Variants in P2RY6 observed in about 807,000 individuals in gnomAD.
P2RY6 encodes the protein pyrimidinergic receptor P2Y6.
P2RY6 carries 19 observed loss-of-function variants against 16.3 expected under a neutral mutation model. The observed-to-expected ratio is 1.16, with a 90% CI of 0.81 to 1.71. The LOEUF (loss-of-function observed/expected upper bound fraction) is 1.71. P2RY6 is among the 40% of genes most tolerant of loss of function. The pLI is 0.00. For synonymous variants in P2RY6, 184 were observed against 201.5 expected, an observed-to-expected ratio of 0.91 and a Z score of 0.74; for missense variants, 389 against 455.5, an observed-to-expected ratio of 0.85 and a Z score of 1.33.
chr11:73,283,276 G>A (rs1403753301), intron 1 of P2RY6, among the ~76,000 whole-genome samples: 3 of 152,098 alleles, frequency 2.0e-5, no homozygotes, highest in Non-Finnish European at 4.4e-5. Context: ...CATAAGCAAC[G>A]ACCCCTCCTA....
chr11:73,286,777 G>A (rs1395898655), intron 1 of P2RY6, among the ~76,000 whole-genome samples: 6 of 152,068 alleles, frequency 3.9e-5, no homozygotes, highest in Non-Finnish European at 5.9e-5. Flanking sequence ...GTCTGACACC[G>A]CCCCTTCGAC....
chr11:73,281,537 C>T (rs1401881639), intron 1 of P2RY6, among the ~76,000 whole-genome samples: 1 of 152,224 alleles, frequency 6.6e-6, no homozygotes, highest in African/African-American at 2.4e-5. Context: ...CAGACACAGG[C>T]TAGGATGGAA....
intron 1 of P2RY6, among the ~76,000 whole-genome samples, chr11:73,286,990 T>G (rs1416299033): frequency 1.3e-5 from 2 of 152,146 alleles, no homozygotes; most frequent in Non-Finnish European, 2.9e-5. Context: ...ACTCCTAGTT[T>G]CAAGTGACAG....
intron 1 of P2RY6, among the ~76,000 whole-genome samples, chr11:73,284,857 T>A (rs766382210): frequency 6.6e-6 from 1 of 151,100 alleles, no homozygotes; most frequent in Non-Finnish European, 1.5e-5. Context: ...CCTGGTGGAG[T>A]TTATGTTCAG....
intron 1 of P2RY6, among the ~76,000 whole-genome samples, chr11:73,278,187 T>TTTAC (rs1165078969): frequency 2.1e-4 from 28 of 131,704 alleles, no homozygotes; most frequent in African/African-American, 6.8e-4. Context: ...TATTTATTTA[T>TTTAC]TTGAGATAGT....
At chr11:73,276,425 C>A (rs1863539539) in intron 1 of P2RY6, among the ~76,000 whole-genome samples, 1 of 152,196 alleles carries the variant, frequency 6.6e-6, no homozygotes, top group Non-Finnish European at 1.5e-5. Context: ...ATGTTCACAA[C>A]AGCATTATTC....
intron 1 of P2RY6, among the ~76,000 whole-genome samples, chr11:73,295,018 A>AT (rs1478185129): frequency 6.6e-6 from 1 of 152,112 alleles, no homozygotes; most frequent in Non-Finnish European, 1.5e-5. Context: ...AGGACTTCAT[A>AT]TTTTTTCTGG....
intron 1 of P2RY6, among the ~76,000 whole-genome samples, chr11:73,273,463 T>G (rs112832783): frequency 6.6e-6 from 1 of 151,958 alleles, no homozygotes; most frequent in Non-Finnish European, 1.5e-5. Context: ...CAGCTTCCAG[T>G]GTATGTGTGT....
intron 1 of P2RY6, among the ~76,000 whole-genome samples, chr11:73,294,222 T>C (rs1346539925): frequency 6.6e-6 from 1 of 152,194 alleles, no homozygotes; most frequent in African/African-American, 2.4e-5. Context: ...CAGGCCTTGC[T>C]CTGTCTTTCA....
At chr11:73,267,225 C>T (rs1156254582) in intron 1 of P2RY6, among the ~76,000 whole-genome samples, 1 of 152,214 alleles carries the variant, frequency 6.6e-6, no homozygotes, top group African/African-American at 2.4e-5. Flanking sequence ...GAAGAGGTTA[C>T]TTCAGCAGAA....
At chr11:73,277,674 C>T (rs999305673) in intron 1 of P2RY6, among the ~76,000 whole-genome samples, 1 of 152,226 alleles carries the variant, frequency 6.6e-6, no homozygotes, top group Admixed American at 6.5e-5. Context: ...AGGTAAGGAA[C>T]CTGGAGCTTA....
At chr11:73,266,017 C>T (rs1028971643) in intron 1 of P2RY6, among the ~76,000 whole-genome samples, 3 of 152,154 alleles carry the variant, frequency 2.0e-5, no homozygotes, top group Non-Finnish European at 4.4e-5. Context: ...ATCCTAACAG[C>T]TGGTGACAAA....
At chr11:73,292,905 G>T (rs1864319253) in intron 1 of P2RY6, 1 of 984,640 alleles carries the variant, frequency 1.0e-6, no homozygotes, top group Non-Finnish European at 1.2e-6. Flanking sequence ...CGTGCTGCAG[G>T]GACAGGAGGC....
At chr11:73,282,562 C>G (rs940153641) in intron 1 of P2RY6, among the ~76,000 whole-genome samples, 2 of 152,198 alleles carry the variant, frequency 1.3e-5, no homozygotes, top group African/African-American at 4.8e-5. Flanking sequence ...TTTCCACACT[C>G]CACCAAAGAA....
chr11:73,293,048 C>A, intron 1 of P2RY6: 2 of 400,038 alleles, frequency 5.0e-6, no homozygotes, highest in Non-Finnish European at 6.8e-6. Context: ...TAAAGGAGGG[C>A]CACAGAGTTA....
intron 1 of P2RY6, among the ~76,000 whole-genome samples, chr11:73,265,779 T>C (rs1863082861): frequency 6.6e-6 from 1 of 152,206 alleles, no homozygotes. Context: ...TAGGTGTTTG[T>C]GTCATCCAAG....
upstream of P2RY6, chr11:73,271,804 C>T (rs942881510): frequency 8.5e-5 from 13 of 152,164 alleles, no homozygotes; most frequent in African/African-American, 3.1e-4. Context: ...CTCTCTCCTC[C>T]CTCAGTGCCA....
Position 73,296,816 on chromosome 11 carries a change from C to T in P2RY6, c.298C>T (p.Arg100Cys), listed in dbSNP as rs574690210. The change falls in exon 3 of 3, where the codon CGC becomes TGC. Residue 100 changes from arginine (R) to cysteine (C), a missense_variant. Arg to Cys is a radical substitution (Grantham distance 180). Coordinates refer to ENST00000540124, the MANE Select transcript of P2RY6 (RefSeq NM_001277204.2). ...DHWPFGDFAC[R>C]LVRFLFYANL... ...CTGGCCCTTTGGCGACTTCGCCTGC[C>T]GCCTGGTCCGCTTCCTCTTCTATGC... The T allele has an allele frequency of 6.4e-5, 103 of 1,610,382 alleles. No individual in the cohort carries two copies. In the East Asian group the frequency reaches 8.9e-4, roughly 14 times the overall value.
intron 1 of P2RY6, among the ~76,000 whole-genome samples, chr11:73,289,950 G>A (rs999942850): frequency 1.3e-5 from 2 of 152,170 alleles, no homozygotes; most frequent in African/African-American, 2.4e-5. Flanking sequence ...GGCCAGGCAC[G>A]GTGGCTCACG....
Sources: gnomAD v4.1 joint callset for allele counts (sites outside exome capture counted in the v4.1 genomes callset) on GRCh38, gnomAD v4.1.1 for gene constraint, MANE v1.5 for transcripts, NCBI Gene and HGNC (gene_info 2026-07-23, HGNC 2026-07-21) for gene names.